Variants in WDR70 observed in about 807,000 individuals in gnomAD.
The protein encoded by WDR70 is WD repeat domain 70, also known as WD repeat-containing protein 70.
WDR70 carries 53 observed loss-of-function variants against 88.6 expected under a neutral mutation model. That is an observed-to-expected ratio of 0.60 (90% confidence interval 0.48 to 0.75). WDR70 has a LOEUF of 0.75. Ranked by LOEUF, WDR70 falls within the 30% of genes least tolerant of loss-of-function variation. The probability of loss-of-function intolerance (pLI) is 0.00; values close to 1 mark genes in which losing one functional copy is unlikely to be tolerated. For synonymous variants in WDR70, 280 were observed against 270.0 expected, an observed-to-expected ratio of 1.04 and a Z score of -0.36; for missense variants, 610 against 823.2, an observed-to-expected ratio of 0.74 and a Z score of 3.17.
intron 10 of WDR70, among the ~76,000 whole-genome samples, chr5:37,678,914 G>A (rs1301027532): frequency 1.3e-5 from 2 of 152,320 alleles, no homozygotes; most frequent in African/African-American, 2.4e-5. Context: ...CATATTTCTT[G>A]GAGGCTTTGT....
chr5:37,489,580 C>T (rs1190980657), intron 8 of WDR70, among the ~76,000 whole-genome samples: 1 of 152,024 alleles, frequency 6.6e-6, no homozygotes, highest in Non-Finnish European at 1.5e-5. Context: ...GGGTGAACCC[C>T]CAGGCCTTTA....
intron 9 of WDR70, among the ~76,000 whole-genome samples, chr5:37,559,308 G>C (rs916166975): frequency 1.3e-5 from 2 of 151,984 alleles, no homozygotes; most frequent in African/African-American, 4.8e-5. Flanking sequence ...ATTTGGCCTG[G>C]CATAATTTAT....
chr5:37,687,312 A>T (rs1169922070), intron 10 of WDR70, among the ~76,000 whole-genome samples: 1 of 152,200 alleles, frequency 6.6e-6, no homozygotes, highest in Non-Finnish European at 1.5e-5. Context: ...CTTCATCTCA[A>T]TCAACTAAAG....
At chr5:37,648,862 T>G (rs1561049886) in intron 10 of WDR70, among the ~76,000 whole-genome samples, 1 of 152,236 alleles carries the variant, frequency 6.6e-6, no homozygotes, top group South Asian at 2.1e-4. Flanking sequence ...CTTTCGTCTC[T>G]TTTAACATTC....
chr5:37,421,462 G>A (rs1466346951), intron 5 of WDR70, among the ~76,000 whole-genome samples: 1 of 152,162 alleles, frequency 6.6e-6, no homozygotes, highest in Non-Finnish European at 1.5e-5. Flanking sequence ...CTTTCATCAA[G>A]GAAGACCTTT....
intron 10 of WDR70, among the ~76,000 whole-genome samples, chr5:37,644,060 CTAGATCT>C (rs1404184770): frequency 6.6e-6 from 1 of 151,966 alleles, no homozygotes; most frequent in Non-Finnish European, 1.5e-5. Flanking sequence ...TTGTTGTGTT[CTAGATCT>C]TAGAGGAAAG....
At chr5:37,680,103 A>G (rs748597060) in intron 10 of WDR70, among the ~76,000 whole-genome samples, 1 of 150,650 alleles carries the variant, frequency 6.6e-6, no homozygotes, top group Non-Finnish European at 1.5e-5. Context: ...CTGATGACAC[A>G]TGGTATCTCA....
chr5:37,441,722 G>T (rs952453324), intron 6 of WDR70, among the ~76,000 whole-genome samples: 2 of 151,662 alleles, frequency 1.3e-5, no homozygotes, highest in Admixed American at 6.6e-5. Flanking sequence ...GGAGGCTGAG[G>T]CAGGAGAATC....
At chr5:37,483,469 C>T (rs1383173067) in intron 8 of WDR70, among the ~76,000 whole-genome samples, 74 of 152,220 alleles carry the variant, frequency 4.9e-4, no homozygotes, top group Non-Finnish European at 2.9e-5. Flanking sequence ...TTTCTTAGTA[C>T]AGAACAAAAT....
intron 9 of WDR70, 118 bp downstream of exon 9, chr5:37,516,708 TATACA>T (rs1740896319): frequency 2.3e-5 from 4 of 177,216 alleles, no homozygotes; most frequent in African/African-American, 3.3e-5. Flanking sequence ...ATTCTTATTA[TATACA>T]TATATATATA....
In WDR70 at chr5:37,392,182, T is replaced by G. The variant is rs546221715; in HGVS notation, c.296+62T>G. 2.3e-5 allele frequency: 35 copies of G among 1,529,674 alleles called. No individual in the cohort carries two copies. In the Admixed American group the frequency reaches 4.0e-4, roughly 17 times the overall value. The allele number at this position is 1,529,674 out of a possible 1,614,324, so 94.8% of individuals were successfully genotyped here. A position where few individuals can be genotyped will look rare whatever the true frequency, so the allele number is the denominator to read the frequency against. The stretch of plus-strand genomic sequence containing the variant: ...AGTTTCTAGGTGTTTATAGAGTTTT[T>G]TTTTTTTTTTTTAATTTTTTTGAGA... On this transcript the variant is annotated intron_variant, in intron 4 of 17. Transcript: ENST00000265107.
intron 10 of WDR70, among the ~76,000 whole-genome samples, chr5:37,613,686 T>A (rs1358877929): frequency 6.6e-6 from 1 of 152,160 alleles, no homozygotes; most frequent in Non-Finnish European, 1.5e-5. Flanking sequence ...TTGTTTTTGT[T>A]ATTATTATTA....
At chr5:37,661,603 T>C (rs1561056365) in intron 10 of WDR70, among the ~76,000 whole-genome samples, 1 of 152,212 alleles carries the variant, frequency 6.6e-6, no homozygotes, top group Non-Finnish European at 1.5e-5. Flanking sequence ...TCAGAGTTTT[T>C]AAACATAAGA....
chr5:37,565,068 C>G (rs192464597), intron 9 of WDR70, among the ~76,000 whole-genome samples: 1 of 152,140 alleles, frequency 6.6e-6, no homozygotes, highest in Non-Finnish European at 1.5e-5. Flanking sequence ...AACCACTTTA[C>G]ATGACATTTT....
intron 7 of WDR70, among the ~76,000 whole-genome samples, chr5:37,466,532 C>A (rs1739153294): frequency 6.6e-6 from 1 of 151,378 alleles, no homozygotes; most frequent in Non-Finnish European, 1.5e-5. Flanking sequence ...TGGTGAAACC[C>A]CATCTCTATT....
chr5:37,384,834 C>T lies in WDR70; in HGVS notation c.175+3149C>T, dbSNP rs189016523. 2.9e-4 allele frequency among the ~76,000 whole-genome samples: 44 copies of T among 152,130 alleles called. 1 individual carries two copies. The East Asian group carries it at 7.7e-3, about 27-fold the overall frequency. On this transcript the variant is annotated intron_variant, in intron 3 of 17. Transcript: ENST00000265107. ...TAGGAGTTTTCCCCCACACATCAAC[C>T]AGTTCTCCAACTGGGTATCCGGTAA...
chr5:37,747,775 G>A (rs1292436576), intron 17 of WDR70, among the ~76,000 whole-genome samples: 2 of 152,148 alleles, frequency 1.3e-5, no homozygotes, highest in Non-Finnish European at 2.9e-5. Context: ...GAACTGATAA[G>A]CAACTTCAGC....
intron 13 of WDR70, among the ~76,000 whole-genome samples, chr5:37,719,646 C>G (rs1747748413): frequency 6.6e-6 from 1 of 152,082 alleles, no homozygotes; most frequent in Admixed American, 6.5e-5. Flanking sequence ...AAGAACCACT[C>G]TTCTAGAGTA....
intron 11 of WDR70, 95 bp from the exon 12 acceptor site, chr5:37,700,963 G>T: frequency 2.8e-6 from 2 of 721,464 alleles, no homozygotes; most frequent in South Asian, 1.7e-5. Context: ...CTTCTTTACA[G>T]TTATACATTA....
Sources: allele counts gnomAD v4.1 joint callset (sites outside exome capture counted in the v4.1 genomes callset), GRCh38; gene constraint gnomAD v4.1.1; transcripts MANE v1.5; gene names NCBI Gene and HGNC (gene_info 2026-07-23, HGNC 2026-07-21).